Variants in ADAMTS16 observed in about 807,000 individuals in gnomAD.
ADAMTS16 encodes ADAM metallopeptidase with thrombospondin type 1 motif 16.
Under a neutral mutation model 145.8 loss-of-function variants are expected in ADAMTS16, and 94 were observed. The ratio of observed to expected loss-of-function variants is 0.64; its 90% CI spans 0.55 to 0.77. The LOEUF is 0.77. Ranked by LOEUF, ADAMTS16 falls within the 30% of genes least tolerant of loss-of-function variation. The pLI is 0.00. For synonymous variants in ADAMTS16, 659 were observed against 604.3 expected (o/e 1.09, Z -1.33); for missense variants, 1,585 against 1,591.5 (o/e 1.00, Z 0.07).
At position 5,319,474 on chromosome 5, in the gene ADAMTS16, A is replaced by G. The variant is rs2126544071; in HGVS notation, c.*336A>G. The G allele has an allele frequency of 1.2e-5, 4 of 335,268 alleles. No individual in the cohort carries two copies. In the South Asian group the frequency reaches 1.2e-4, roughly 10 times the overall value. 20.8% of individuals were successfully genotyped at this position (335,268 alleles called of 1,614,324 possible). A position where few individuals can be genotyped will look rare whatever the true frequency, so the allele number is the denominator to read the frequency against. On this transcript the variant is annotated 3_prime_UTR_variant, in exon 23 of 23. Coordinates refer to ENST00000274181, the MANE Select transcript of ADAMTS16 (RefSeq NM_139056.4). ...CTAAATCAAGTCAAAAAGACAGGCG[A>G]GGCTGAACTTGCTAAATGTCTGGTG...
chr5:5,196,256 A>AG (rs1735801799), intron 8 of ADAMTS16, among the ~76,000 whole-genome samples: 1 of 150,546 alleles, frequency 6.6e-6, no homozygotes, highest in South Asian at 2.1e-4. Context: ...AAAAAAAAAA[A>AG]GCAGCATTGG....
In ADAMTS16 at chr5:5,146,549, T is replaced by C. The variant is rs889077997; in HGVS notation, c.501+94T>C. 39 of 1,305,504 alleles carry C rather than the reference T, an allele frequency of 3.0e-5. No homozygotes were observed. In the Admixed American group the frequency reaches 8.6e-4, roughly 29 times the overall value. The allele number at this position is 1,305,504 out of a possible 1,614,324, so 80.9% of individuals were successfully genotyped here. A position where few individuals can be genotyped will look rare whatever the true frequency, so the allele number is the denominator to read the frequency against. On this transcript the variant is annotated intron_variant, in intron 3 of 22. Coordinates refer to ENST00000274181, the MANE Select transcript of ADAMTS16 (RefSeq NM_139056.4). ...ACTTTCCCTCGATTTCGCATAGATG[T>C]TCTTCTAGTACTGCAGCGCAGATTA...
intron 3 of ADAMTS16, among the ~76,000 whole-genome samples, chr5:5,154,726 G>C (rs896233435): frequency 2.0e-5 from 3 of 152,278 alleles, no homozygotes; most frequent in African/African-American, 7.2e-5. Context: ...AGAATCACTT[G>C]ATGATATTAC....
intron 18 of ADAMTS16, among the ~76,000 whole-genome samples, chr5:5,277,061 G>A (rs1397337978): frequency 6.6e-6 from 1 of 152,204 alleles, no homozygotes; most frequent in Non-Finnish European, 1.5e-5. Flanking sequence ...GATGCTAAAT[G>A]TGTTGGACAT....
At position 5,182,040 on chromosome 5, in the gene ADAMTS16, C is replaced by T; in HGVS notation, c.502-4C>T. The T allele has an allele frequency of 6.3e-7, 1 of 1,576,568 alleles. No individual in the cohort carries two copies. The highest frequency in any genetic ancestry group is 8.6e-7 in the Non-Finnish European group (1 of 1,161,910). ...TTTTCTTTCTTTCCTTTTATTTTTT[C>T]CAGTCAGGCATGATACGAACAGAAG... On this transcript the variant is annotated splice_polypyrimidine_tract_variant and splice_region_variant and intron_variant, in intron 3 of 22. Coordinates refer to ENST00000274181, the MANE Select transcript of ADAMTS16 (RefSeq NM_139056.4).
intron 10 of ADAMTS16, among the ~76,000 whole-genome samples, chr5:5,213,948 A>T (rs1007674730): frequency 7.9e-5 from 12 of 152,242 alleles, no homozygotes; most frequent in African/African-American, 2.9e-4. Context: ...ACTTTTTTCT[A>T]TATGAGCTGA....
At chr5:5,234,763 G>A (rs950846067) in intron 12 of ADAMTS16, among the ~76,000 whole-genome samples, 1 of 150,956 alleles carries the variant, frequency 6.6e-6, no homozygotes, top group Non-Finnish European at 1.5e-5. Flanking sequence ...CCAGCTACTC[G>A]AGAGGCTGAG....
chr5:5,258,981 C>T (rs1737898758), intron 17 of ADAMTS16, among the ~76,000 whole-genome samples: 1 of 152,092 alleles, frequency 6.6e-6, no homozygotes, highest in Admixed American at 6.5e-5. Context: ...CTCTCCCCTC[C>T]TGAGGGCAGG....
In ADAMTS16 at chr5:5,187,730, T is replaced by G; in HGVS notation, c.969T>G (p.Ser323=). The G allele has an allele frequency of 6.2e-7, 1 of 1,610,014 alleles. No individual in the cohort carries two copies. ...TYVLTILNMV[S]ALFKDGTIGG... Reference sequence around the variant, plus strand: ...GGATTTCCTGTCTTTTTCAGGTATCTGCTTTATTCAAAGATGGAACAATAG... The same window carrying G: ...GGATTTCCTGTCTTTTTCAGGTATCGGCTTTATTCAAAGATGGAACAATAG... Residue 323 remains serine (S), a synonymous_variant, in exon 6 of 23, where the codon TCT becomes TCG. Coordinates refer to ENST00000274181, the MANE Select transcript of ADAMTS16 (RefSeq NM_139056.4).
At chr5:5,274,977 T>G (rs1340481492) in intron 18 of ADAMTS16, among the ~76,000 whole-genome samples, 6 of 152,190 alleles carry the variant, frequency 3.9e-5, no homozygotes, top group Non-Finnish European at 8.8e-5. Flanking sequence ...GCTTCAAATA[T>G]TTTGGAATGA....
At chr5:5,246,605 C>G (rs1385892337) in intron 17 of ADAMTS16, among the ~76,000 whole-genome samples, 1 of 152,154 alleles carries the variant, frequency 6.6e-6, no homozygotes, top group Non-Finnish European at 1.5e-5. Flanking sequence ...TGAGGAAATA[C>G]AAGAGACTTT....
At chr5:5,252,725 G>A (rs890604597) in intron 17 of ADAMTS16, among the ~76,000 whole-genome samples, 2 of 152,128 alleles carry the variant, frequency 1.3e-5, no homozygotes, top group African/African-American at 4.8e-5. Context: ...GCTGCAATAG[G>A]TTCCATATGT....
At chr5:5,193,843 G>A (rs907739356) in intron 8 of ADAMTS16, among the ~76,000 whole-genome samples, 1 of 152,184 alleles carries the variant, frequency 6.6e-6, no homozygotes, top group Admixed American at 6.5e-5. Flanking sequence ...GTGGCTCACT[G>A]TAAACCCAGC....
chr5:5,186,136 G>C lies in ADAMTS16; in HGVS notation c.848G>C (p.Arg283Thr). ...TTACGGCATAAGCGCTCTCTTCTGA[G>C]GTCCCATAGAAATGAAGAACTGAAC... Reference protein sequence around the residue: ...SCLRHKRSLLRSHRNEELNVE... With the variant: ...SCLRHKRSLLTSHRNEELNVE... The change falls in exon 5 of 23, where the codon AGG (arginine) becomes ACG (threonine). Residue 283 changes from arginine to threonine, a missense_variant. Coordinates refer to ENST00000274181, the MANE Select transcript of ADAMTS16 (RefSeq NM_139056.4). 1 of 1,614,104 alleles carries C rather than the reference G, an allele frequency of 6.2e-7. No homozygotes were observed. The highest frequency in any genetic ancestry group is 2.2e-5 in the East Asian group (1 of 44,882).
rs1560945910 is a variant in ADAMTS16 at position 5,200,190 on chromosome 5, A to G, written c.1372A>G (p.Met458Val). The part of the protein sequence containing the change: ...NMCKKSEGNI[M>V]SPTLAGRNGV... ...GTGCAAAAAGTCCGAGGGCAACATC[A>G]TGTCCCCTACATTGGCAGGACGCAA... is the stretch of plus-strand genomic sequence containing the variant. The change falls in exon 9 of 23, where the codon ATG (methionine) becomes GTG (valine). Residue 458 changes from methionine (M) to valine (V), a missense_variant. By Grantham distance (21) the Met-to-Val change is conservative. This residue lies in a region of ADAMTS16 where 298 missense variants were observed against 367.6 expected (regional missense o/e 0.81). Transcript: ENST00000274181. 4 of 1,614,064 alleles carry G rather than the reference A, an allele frequency of 2.5e-6. No individual in the cohort carries two copies. The highest frequency in any genetic ancestry group is 3.4e-6 in the Non-Finnish European group (4 of 1,179,978).
At chr5:5,185,986 C>A in intron 4 of ADAMTS16, 66 bp from the exon 5 acceptor site, 2 of 1,396,948 alleles carry the variant, frequency 1.4e-6, no homozygotes, top group Non-Finnish European at 2.0e-6. Context: ...TTCTCTATGA[C>A]GAGTTACGGC....
chr5:5,178,054 T>C (rs1735246069), intron 3 of ADAMTS16, among the ~76,000 whole-genome samples: 1 of 152,194 alleles, frequency 6.6e-6, no homozygotes, highest in Admixed American at 6.5e-5. Context: ...TTAATACAAA[T>C]CTACCAACTT....
intron 6 of ADAMTS16, 66 bp from the exon 7 acceptor site, chr5:5,189,905 G>T: frequency 1.9e-6 from 3 of 1,582,784 alleles, no homozygotes; most frequent in South Asian, 1.2e-5. Context: ...TTGCTGTGAT[G>T]ACAATGCATT....
chr5:5,191,077 G>A (rs1056471300), intron 7 of ADAMTS16, among the ~76,000 whole-genome samples: 1 of 152,124 alleles, frequency 6.6e-6, no homozygotes, highest in African/African-American at 2.4e-5. Flanking sequence ...CTCATTGCTG[G>A]GGAAGAAAGC....
Sources: allele counts gnomAD v4.1 joint callset (sites outside exome capture counted in the v4.1 genomes callset), GRCh38; gene constraint gnomAD v4.1.1; regional missense constraint gnomAD v4.1.1; transcripts MANE v1.5; gene names NCBI Gene and HGNC (gene_info 2026-07-23, HGNC 2026-07-21).